CERKL: variants seen among roughly 807,000 people sequenced by gnomAD.
CERKL encodes the protein CERK like autophagy regulator.
A neutral mutation model predicts 63.4 loss-of-function variants in CERKL; 61 were observed. The observed-to-expected ratio is 0.96, with a 90% CI of 0.78 to 1.19. The LOEUF is 1.19. CERKL is among the 50% of genes most tolerant of loss of function. The pLI is 0.00. For synonymous variants in CERKL, 250 were observed against 230.5 expected, an observed-to-expected ratio of 1.08 and a Z score of -0.77; for missense variants, 675 against 655.5, an observed-to-expected ratio of 1.03 and a Z score of -0.33.
chr2:181,594,496 G>A (rs768451878), intron 2 of CERKL, among the ~76,000 whole-genome samples: 16 of 152,184 alleles, frequency 1.1e-4, no homozygotes, highest in Non-Finnish European at 1.8e-4. Context: ...GCTCTGTCAC[G>A]TAATTAGCAA....
chr2:181,563,629 T>C (rs1039958545), intron 4 of CERKL, among the ~76,000 whole-genome samples: 2 of 151,392 alleles, frequency 1.3e-5, no homozygotes, highest in African/African-American at 2.4e-5. Context: ...GCACCTTTTC[T>C]ATAAATTTCC....
rs538977643 is a variant in CERKL, at chr2:181,648,889, C to T, written c.238+7880G>A. On this transcript the variant is annotated intron_variant, in intron 1 of 12. Coordinates refer to ENST00000410087, the MANE Select transcript of CERKL (RefSeq NM_201548.5). ...AACTACAAGACTTTTTATGTTAGCC[C>T]CATGGTACCCACAAAGAAAGCAATT... Among the ~76,000 whole-genome samples, 15 of 152,156 alleles carry T rather than the reference C, an allele frequency of 9.9e-5. No individual in the cohort carries two copies. The South Asian group carries it at 2.7e-3, about 27-fold the overall frequency.
intron 1 of CERKL, among the ~76,000 whole-genome samples, chr2:181,620,093 GA>G (rs1168195160): frequency 6.6e-6 from 1 of 152,092 alleles, no homozygotes; most frequent in Non-Finnish European, 1.5e-5. Flanking sequence ...GAGAACAAAG[GA>G]AAAAGTGCTT....
At chr2:181,650,735 G>A (rs982479409) in intron 1 of CERKL, among the ~76,000 whole-genome samples, 30 of 151,298 alleles carry the variant, frequency 2.0e-4, no homozygotes, top group African/African-American at 6.8e-4. Flanking sequence ...CTCCAGCCTG[G>A]GCAACAAGAG....
intron 1 of CERKL, among the ~76,000 whole-genome samples, chr2:181,651,214 A>C (rs1404281782): frequency 2.6e-5 from 4 of 152,230 alleles, no homozygotes; most frequent in Non-Finnish European, 5.9e-5. Flanking sequence ...ATCAGATAAC[A>C]ATACAACACA....
chr2:181,575,568 G>GTA (rs539048588), intron 2 of CERKL, among the ~76,000 whole-genome samples: 197 of 152,260 alleles, frequency 1.3e-3, no homozygotes, highest in African/African-American at 4.4e-3. Flanking sequence ...AGAGAAGGGA[G>GTA]TATCTGAGCA....
intron 2 of CERKL, among the ~76,000 whole-genome samples, chr2:181,575,284 A>G (rs565358275): frequency 5.3e-5 from 8 of 152,132 alleles, no homozygotes; most frequent in African/African-American, 1.9e-4. Context: ...AACCCCTTAA[A>G]ATGACATTCA....
intron 1 of CERKL, among the ~76,000 whole-genome samples, chr2:181,654,184 AGCGCTGATACTTT>A (rs1421741462): frequency 6.6e-6 from 1 of 151,762 alleles, no homozygotes; most frequent in Non-Finnish European, 1.5e-5. Flanking sequence ...ATCCCCAAAA[AGCGCTGATACTTT>A]GTGCCTCCCA....
At chr2:181,589,906 C>T (rs1048993349) in intron 2 of CERKL, among the ~76,000 whole-genome samples, 1 of 152,094 alleles carries the variant, frequency 6.6e-6, no homozygotes, top group Non-Finnish European at 1.5e-5. Context: ...CTCACTGCAG[C>T]CTTGACCTCC....
At chr2:181,589,649 A>G (rs1684905127) in intron 2 of CERKL, among the ~76,000 whole-genome samples, 1 of 152,160 alleles carries the variant, frequency 6.6e-6, no homozygotes. Context: ...AATACCTTCT[A>G]CCATACAAAA....
At chr2:181,655,498 G>A (rs1003199748) in intron 1 of CERKL, among the ~76,000 whole-genome samples, 1 of 152,170 alleles carries the variant, frequency 6.6e-6, no homozygotes, top group African/African-American at 2.4e-5. Context: ...AACTTAAAAG[G>A]TTCAAGAAAA....
At chr2:181,611,905 A>C (rs1464952152) in intron 1 of CERKL, among the ~76,000 whole-genome samples, 1 of 152,228 alleles carries the variant, frequency 6.6e-6, no homozygotes, top group Non-Finnish European at 1.5e-5. Context: ...GATCGATTGA[A>C]AAAAAGATTG....
intron 2 of CERKL, among the ~76,000 whole-genome samples, chr2:181,602,646 A>G (rs1183720514): frequency 6.6e-6 from 1 of 152,236 alleles, no homozygotes; most frequent in African/African-American, 2.4e-5. Context: ...TCGCATGAGC[A>G]TAGCTTTATT....
intron 8 of CERKL, 136 bp downstream of exon 8, chr2:181,548,409 A>G (rs1036766498): frequency 1.4e-6 from 1 of 723,608 alleles, no homozygotes; most frequent in South Asian, 1.7e-5. Flanking sequence ...TAGGACCTGT[A>G]AGAGTCTGTG....
intron 1 of CERKL, among the ~76,000 whole-genome samples, chr2:181,627,715 A>G (rs1686774677): frequency 6.6e-6 from 1 of 152,212 alleles, no homozygotes; most frequent in Non-Finnish European, 1.5e-5. Context: ...TCAGCTATAG[A>G]AATACACAGA....
chr2:181,541,082 G>A (rs1029524580), intron 11 of CERKL, among the ~76,000 whole-genome samples: 2 of 152,294 alleles, frequency 1.3e-5, no homozygotes, highest in African/African-American at 4.8e-5. Context: ...TGAAATCCTC[G>A]CTCTGTATAC....
At chr2:181,552,251 G>A (rs1213189681) in intron 5 of CERKL, among the ~76,000 whole-genome samples, 6 of 152,036 alleles carry the variant, frequency 3.9e-5, no homozygotes, top group East Asian at 3.8e-4. Context: ...CAGTTGATAC[G>A]GTTAGGCTTT....
chr2:181,569,263 T>G (rs1688800018), intron 3 of CERKL, among the ~76,000 whole-genome samples: 1 of 152,200 alleles, frequency 6.6e-6, no homozygotes, highest in African/African-American at 2.4e-5. Context: ...TATCTTTCTC[T>G]CTAGCTAGAT....
At chr2:181,572,669 T>C (rs1208508468) in intron 3 of CERKL, among the ~76,000 whole-genome samples, 1 of 152,142 alleles carries the variant, frequency 6.6e-6, no homozygotes, top group African/African-American at 2.4e-5. Flanking sequence ...ACTTCTTCAC[T>C]ATAACTTTAT....
Sources: allele counts gnomAD v4.1 joint callset (sites outside exome capture counted in the v4.1 genomes callset), GRCh38; gene constraint gnomAD v4.1.1; transcripts MANE v1.5; gene names NCBI Gene and HGNC (gene_info 2026-07-23, HGNC 2026-07-21).